The following THSD7B variants were observed in gnomAD, a reference collection of about 807,000 sequenced individuals.
THSD7B encodes thrombospondin type 1 domain containing 7B, also known as thrombospondin type-1 domain-containing protein 7B.
THSD7B carries 138 observed loss-of-function variants against 213.6 expected under a neutral mutation model. The observed-to-expected ratio is 0.65, with a 90% CI of 0.56 to 0.74. The LOEUF is 0.74. THSD7B is among the 30% of genes least tolerant of loss of function. The probability of loss-of-function intolerance (pLI) is 0.00; values close to 1 mark genes in which losing one functional copy is unlikely to be tolerated. For synonymous variants in THSD7B, 742 were observed against 687.0 expected, an observed-to-expected ratio of 1.08 and a Z score of -1.25; for missense variants, 1,931 against 1,991.5, an observed-to-expected ratio of 0.97 and a Z score of 0.58.
chr2:137,547,287 G>A (rs944894370), intron 15 of THSD7B, among the ~76,000 whole-genome samples: 25 of 151,940 alleles, frequency 1.6e-4, no homozygotes, highest in African/African-American at 5.8e-4. Flanking sequence ...GACATGTCAG[G>A]TCTGTTATGG....
intron 14 of THSD7B, among the ~76,000 whole-genome samples, chr2:137,418,803 T>C (rs1348684411): frequency 2.0e-5 from 3 of 152,214 alleles, no homozygotes; most frequent in Non-Finnish European, 4.4e-5. Context: ...CTTCTATGCT[T>C]GGCTAATTTC....
chr2:137,442,538 C>T (rs1406334650), intron 14 of THSD7B, among the ~76,000 whole-genome samples: 1 of 151,976 alleles, frequency 6.6e-6, no homozygotes, highest in Non-Finnish European at 1.5e-5. Context: ...GTCCTCATCA[C>T]TCCAGGACCT....
intron 2 of THSD7B, among the ~76,000 whole-genome samples, chr2:137,046,730 C>CAA (rs59928985): frequency 3.4e-3 from 149 of 43,474 alleles, no homozygotes; most frequent in East Asian, 0.018. Flanking sequence ...AACTCCGTCT[C>CAA]AAAAAAAAAA....
chr2:136,803,692 C>G (rs781270271), intron 1 of THSD7B, among the ~76,000 whole-genome samples: 1 of 152,148 alleles, frequency 6.6e-6, no homozygotes, highest in Non-Finnish European at 1.5e-5. Context: ...GATTATGGAG[C>G]TGAGAAGTCT....
chr2:136,886,484 A>G (rs371098125), intron 2 of THSD7B, among the ~76,000 whole-genome samples: 1 of 152,164 alleles, frequency 6.6e-6, no homozygotes, highest in African/African-American at 2.4e-5. Context: ...GTTATCAACC[A>G]AGGGTGATTT....
At chr2:136,808,556 T>C (rs562212756) in intron 1 of THSD7B, among the ~76,000 whole-genome samples, 1 of 152,350 alleles carries the variant, frequency 6.6e-6, no homozygotes, top group Admixed American at 6.5e-5. Context: ...GTGCAGATTT[T>C]TGTGGGACAT....
intron 7 of THSD7B, among the ~76,000 whole-genome samples, chr2:137,198,646 GT>G (rs1361822929): frequency 1.3e-5 from 2 of 152,068 alleles, no homozygotes; most frequent in African/African-American, 2.4e-5. Flanking sequence ...GTAAAATGTT[GT>G]TATAAAAAGG....
intron 2 of THSD7B, among the ~76,000 whole-genome samples, chr2:136,926,472 T>C (rs1052909171): frequency 1.3e-5 from 2 of 151,856 alleles, no homozygotes; most frequent in African/African-American, 4.8e-5. Flanking sequence ...GCAGGCAAAT[T>C]ACTTGAGTCC....
chr2:137,124,548 C>T (rs1688599973), intron 5 of THSD7B, among the ~76,000 whole-genome samples: 1 of 152,036 alleles, frequency 6.6e-6, no homozygotes, highest in Non-Finnish European at 1.5e-5. Context: ...CTGGCTACTT[C>T]CTCAAGCACA....
At chr2:137,604,395 C>T (rs1682133991) in intron 17 of THSD7B, among the ~76,000 whole-genome samples, 1 of 152,036 alleles carries the variant, frequency 6.6e-6, no homozygotes, top group African/African-American at 2.4e-5. Flanking sequence ...TCTATAGCAG[C>T]AGTTTTGAGC....
chr2:137,302,341 T>G (rs1257557335), intron 12 of THSD7B, among the ~76,000 whole-genome samples: 1 of 152,086 alleles, frequency 6.6e-6, no homozygotes, highest in African/African-American at 2.4e-5. Context: ...CCAGAGAGGA[T>G]GGAGTCTTGG....
chr2:136,877,641 T>C (rs1683546016), intron 1 of THSD7B, among the ~76,000 whole-genome samples: 1 of 152,206 alleles, frequency 6.6e-6, no homozygotes, highest in Admixed American at 6.5e-5. Context: ...TAATTTTTAC[T>C]GATTTGTACT....
chr2:136,796,112 T>C (rs1270682476), intron 1 of THSD7B, among the ~76,000 whole-genome samples: 1 of 152,000 alleles, frequency 6.6e-6, no homozygotes, highest in Non-Finnish European at 1.5e-5. Flanking sequence ...TTTTGATTTT[T>C]TTTTTTTAGG....
intron 12 of THSD7B, among the ~76,000 whole-genome samples, chr2:137,331,045 C>T (rs940195150): frequency 1.4e-4 from 22 of 152,058 alleles, no homozygotes; most frequent in African/African-American, 5.3e-4. Flanking sequence ...TTGGTGCATT[C>T]ACAAACCCTG....
At chr2:137,512,654 G>A (rs2375518) in intron 15 of THSD7B, among the ~76,000 whole-genome samples, 86,795 of 151,622 alleles carry the variant, frequency 0.57, 25,006 homozygotes, top group East Asian at 0.73. Context: ...TCAGCCTCCT[G>A]AAGTGCTGGG....
intron 2 of THSD7B, among the ~76,000 whole-genome samples, chr2:137,022,732 G>A (rs964539614): frequency 3.3e-5 from 5 of 152,008 alleles, no homozygotes; most frequent in African/African-American, 1.2e-4. Flanking sequence ...AATTATCACA[G>A]AGATCAGCAG....
At chr2:137,227,756 A>G (rs1174590570) in intron 7 of THSD7B, among the ~76,000 whole-genome samples, 2 of 152,138 alleles carry the variant, frequency 1.3e-5, no homozygotes, top group Non-Finnish European at 2.9e-5. Context: ...TTTTATGTAA[A>G]CCAATCTATG....
chr2:137,123,534 C>G (rs527778893), intron 5 of THSD7B, among the ~76,000 whole-genome samples: 2 of 152,280 alleles, frequency 1.3e-5, no homozygotes, highest in Admixed American at 1.3e-4. Context: ...TGTTTCTGCA[C>G]TGTCATTGCC....
rs573919037 is a variant in THSD7B, at chr2:137,037,413, C to T, written c.140-19007C>T. Among the ~76,000 whole-genome samples, 203 of 93,688 alleles carry T rather than the reference C, an allele frequency of 2.2e-3. 1 individual carries two copies. Among genetic ancestry groups the T allele is most frequent in the African/African-American group, 4.6e-3 (178 of 38,534 alleles). 61.5% of individuals were successfully genotyped at this position (93,688 alleles called of 152,430 possible). On this transcript the variant is annotated intron_variant, in intron 2 of 27. Coordinates refer to ENST00000409968, the MANE Select transcript of THSD7B (RefSeq NM_001316349.2). Reference sequence around the variant, plus strand: ...TTTTGAACTGATATATGTATGTATACGTATATATATATACACACACGCACA... The same window carrying T: ...TTTTGAACTGATATATGTATGTATATGTATATATATATACACACACGCACA...
Sources: allele counts gnomAD v4.1 joint callset (sites outside exome capture counted in the v4.1 genomes callset), GRCh38; gene constraint gnomAD v4.1.1; transcripts MANE v1.5; gene names NCBI Gene and HGNC (gene_info 2026-07-23, HGNC 2026-07-21).